The following EXT1 variants were observed in gnomAD, a reference collection of about 807,000 sequenced individuals.
EXT1 encodes the protein exostosin-1.
Under a neutral mutation model 82.5 loss-of-function variants are expected in EXT1, and 20 were observed. The ratio of observed to expected loss-of-function variants is 0.24; its 90% CI spans 0.17 to 0.35. The LOEUF (loss-of-function observed/expected upper bound fraction) is 0.35. Ranked by LOEUF, EXT1 falls within the 10% of genes least tolerant of loss-of-function variation. The pLI is 1.00. For synonymous variants in EXT1, 348 were observed against 350.8 expected (o/e 0.99, Z 0.09); for missense variants, 757 against 936.5 (o/e 0.81, Z 2.50).
intron 1 of EXT1, among the ~76,000 whole-genome samples, chr8:117,923,465 C>T (rs907970400): frequency 1.3e-5 from 2 of 151,916 alleles, no homozygotes; most frequent in African/African-American, 4.8e-5. Context: ...CACCTGTAAT[C>T]CCAGCAATTT....
chr8:118,041,717 GGAAA>G (rs1298011706), intron 1 of EXT1, among the ~76,000 whole-genome samples: 9 of 146,090 alleles, frequency 6.2e-5, no homozygotes, highest in African/African-American at 2.0e-4. Context: ...AAGGAAGGAA[GGAAA>G]AAGAAAAGGG....
intron 6 of EXT1, 146 bp downstream of exon 6, chr8:117,819,530 C>T: frequency 1.3e-6 from 1 of 770,056 alleles, no homozygotes; most frequent in Non-Finnish European, 2.4e-6. Context: ...TGTAACGAGG[C>T]AGGATGAATG....
intron 1 of EXT1, among the ~76,000 whole-genome samples, chr8:118,007,166 G>A (rs1360001167): frequency 1.3e-5 from 2 of 151,970 alleles, no homozygotes; most frequent in Non-Finnish European, 2.9e-5. Context: ...GCGTGTTGGC[G>A]GGCGCCTGTA....
chr8:118,026,666 T>G (rs1307774398), intron 1 of EXT1, among the ~76,000 whole-genome samples: 1 of 152,150 alleles, frequency 6.6e-6, no homozygotes, highest in Non-Finnish European at 1.5e-5. Flanking sequence ...GCTGCTATAG[T>G]CAAATCAAGC....
In EXT1 at chr8:117,794,756, G is replaced by A. The variant is rs1399007319; in HGVS notation, c.*4956C>T. Reference sequence around the variant, plus strand: ...AAAAACACTTCAGAAAAGACCTGTGGTGACACTACAAAAACATTGGCAACA... The same window carrying A: ...AAAAACACTTCAGAAAAGACCTGTGATGACACTACAAAAACATTGGCAACA... On this transcript the variant is annotated 3_prime_UTR_variant, in exon 11 of 11. Transcript: ENST00000378204. 1 of 152,124 alleles carries A rather than the reference G, an allele frequency of 6.6e-6. No homozygotes were observed. Among genetic ancestry groups the A allele is most frequent in the Non-Finnish European group, 1.5e-5 (1 of 68,020 alleles). The allele number at this position is 152,124 out of a possible 1,614,324, so 9.4% of individuals were successfully genotyped here.
intron 1 of EXT1, among the ~76,000 whole-genome samples, chr8:117,954,170 C>T (rs113262622): frequency 1.6e-4 from 24 of 152,284 alleles, no homozygotes; most frequent in African/African-American, 4.6e-4. Context: ...GCTTGACCCG[C>T]GACTAATGGA....
At chr8:118,008,771 T>A (rs1001246755) in intron 1 of EXT1, among the ~76,000 whole-genome samples, 1 of 152,190 alleles carries the variant, frequency 6.6e-6, no homozygotes, top group African/African-American at 2.4e-5. Flanking sequence ...AATACACCTT[T>A]GGTTACATTT....
intron 4 of EXT1, among the ~76,000 whole-genome samples, chr8:117,826,889 A>C (rs959555377): frequency 2.2e-4 from 33 of 152,202 alleles, no homozygotes; most frequent in African/African-American, 7.2e-4. Context: ...GCTTGATCTT[A>C]TTTTGATCCT....
chr8:117,897,917 A>C (rs985804865), intron 1 of EXT1, among the ~76,000 whole-genome samples: 1 of 152,098 alleles, frequency 6.6e-6, no homozygotes, highest in African/African-American at 2.4e-5. Context: ...GGAATTTTTA[A>C]GCCTCAAGTT....
At chr8:118,058,551 G>A (rs1454998551) in intron 1 of EXT1, among the ~76,000 whole-genome samples, 1 of 152,114 alleles carries the variant, frequency 6.6e-6, no homozygotes, top group African/African-American at 2.4e-5. Context: ...AAGACTGTTT[G>A]GAGTTCATTT....
chr8:117,869,894 A>AAAATC (rs1812840942), intron 1 of EXT1, among the ~76,000 whole-genome samples: 2 of 152,218 alleles, frequency 1.3e-5, no homozygotes. Flanking sequence ...GTAGTTCCAA[A>AAAATC]AAATCAAATC....
At chr8:117,973,945 GGAAGGA>G (rs1419189408) in intron 1 of EXT1, among the ~76,000 whole-genome samples, 1 of 144,476 alleles carries the variant, frequency 6.9e-6, no homozygotes, top group African/African-American at 2.6e-5. Context: ...AAGGAAGGAA[GGAAGGA>G]AGGAAGGAAG....
chr8:118,095,245 G>A (rs528209106), intron 1 of EXT1, among the ~76,000 whole-genome samples: 145 of 152,270 alleles, frequency 9.5e-4, no homozygotes, highest in Non-Finnish European at 1.7e-3. Context: ...CCCTGCTTGA[G>A]TTACTCCTTA....
chr8:117,901,570 A>G (rs960310859), intron 1 of EXT1, among the ~76,000 whole-genome samples: 2 of 152,208 alleles, frequency 1.3e-5, no homozygotes, highest in African/African-American at 2.4e-5. Flanking sequence ...TCTTTTTTCA[A>G]TAATAACTTA....
chr8:118,017,920 C>A (rs1394444965), intron 1 of EXT1, among the ~76,000 whole-genome samples: 9 of 152,210 alleles, frequency 5.9e-5, no homozygotes, highest in Admixed American at 5.9e-4. Context: ...TGAGCTCTTG[C>A]ACAGAATTTT....
At chr8:118,108,433 C>T (rs1032503460) in intron 1 of EXT1, among the ~76,000 whole-genome samples, 11 of 152,098 alleles carry the variant, frequency 7.2e-5, no homozygotes, top group African/African-American at 2.7e-4. Context: ...GCATTTTTTT[C>T]TTACAAGCAC....
intron 8 of EXT1, among the ~76,000 whole-genome samples, chr8:117,810,419 T>A (rs1823300684): frequency 2.0e-5 from 3 of 152,216 alleles, no homozygotes; most frequent in Admixed American, 1.3e-4. Flanking sequence ...GATTTACATA[T>A]CATTTTCAAC....
Position 117,799,162 on chromosome 8 carries a change from A to C in EXT1, c.*550T>G, listed in dbSNP as rs1823126967. The stretch of plus-strand genomic sequence containing the variant: ...AGTTCAAGTGGATTTGAAGATTCGA[A>C]GTGGAAAACAATTTGCACTGGCAAA... On this transcript the variant is annotated 3_prime_UTR_variant, in exon 11 of 11. Transcript: ENST00000378204. 1 of 157,090 alleles carries C rather than the reference A, an allele frequency of 6.4e-6. No homozygotes were observed. The highest frequency in any genetic ancestry group is 2.4e-5 in the African/African-American group (1 of 41,562). The allele number at this position is 157,090 out of a possible 1,614,324, so 9.7% of individuals were successfully genotyped here.
At chr8:118,060,617 C>T (rs1586369883) in intron 1 of EXT1, among the ~76,000 whole-genome samples, 1 of 152,182 alleles carries the variant, frequency 6.6e-6, no homozygotes, top group East Asian at 1.9e-4. Flanking sequence ...CAGCTGGTGA[C>T]TTGCTGGTAA....
Sources: gnomAD v4.1 joint callset for allele counts (sites outside exome capture counted in the v4.1 genomes callset) on GRCh38, gnomAD v4.1.1 for gene constraint, MANE v1.5 for transcripts, NCBI Gene and HGNC (gene_info 2026-07-23, HGNC 2026-07-21) for gene names.